TCF4: variants seen among roughly 807,000 people sequenced by gnomAD.
TCF4 encodes the protein SL3-3 enhancer factor 2.
TCF4 carries 3 observed loss-of-function variants against 82.1 expected under a neutral mutation model. The observed-to-expected ratio is 0.04, with a 90% confidence interval of 0.02 to 0.09. TCF4 has a LOEUF of 0.09. TCF4 is among the 10% of genes least tolerant of loss of function. The pLI, the probability that TCF4 is intolerant of heterozygous loss-of-function variation, is 1.00. For missense variants in TCF4, 518 were observed against 852.7 expected, an observed-to-expected ratio of 0.61 and a Z score of 4.89; for synonymous variants, 276 against 309.6, an observed-to-expected ratio of 0.89 and a Z score of 1.14.
chr18:55,584,876 T>C (rs192026057), intron 3 of TCF4, among the ~76,000 whole-genome samples: 17 of 152,310 alleles, frequency 1.1e-4, no homozygotes, highest in Admixed American at 2.6e-4. Context: ...GTTAATTGTA[T>C]ACAGTACCTA....
intron 15 of TCF4, among the ~76,000 whole-genome samples, chr18:55,239,371 G>C (rs139564051): frequency 2.0e-5 from 3 of 152,082 alleles, no homozygotes; most frequent in Non-Finnish European, 4.4e-5. Flanking sequence ...TCCAACTTTC[G>C]ATGCTTAGTT....
Position 55,245,516 on chromosome 18 carries a change from C to T in TCF4, c.1350+8981G>A, listed in dbSNP as rs934707555. ...CCTGTGGACTCTCATGTGAAATATT[C>T]GAGCCAACTGCTGGAGCTGCCGTGC... On this transcript the variant is annotated intron_variant, in intron 15 of 19. Coordinates refer to ENST00000354452, the MANE Select transcript of TCF4 (RefSeq NM_001083962.2). 2.6e-5 allele frequency among the ~76,000 whole-genome samples: 4 copies of T among 152,290 alleles called. 1 individual carries two copies. The South Asian group carries it at 8.3e-4, about 32-fold the overall frequency.
chr18:55,544,822 C>A (rs552592115), intron 3 of TCF4, among the ~76,000 whole-genome samples: 1 of 151,986 alleles, frequency 6.6e-6, no homozygotes, highest in African/African-American at 2.4e-5. Flanking sequence ...AAAAGACTGG[C>A]GTCATCAAGC....
intron 15 of TCF4, 81 bp downstream of exon 15, chr18:55,254,416 A>AT: frequency 7.2e-7 from 1 of 1,386,736 alleles, no homozygotes; most frequent in Non-Finnish European, 1.0e-6. Context: ...CTGATTTTTT[A>AT]AAAAACAGCA....
chr18:55,622,160 C>A (rs931353619), intron 2 of TCF4, among the ~76,000 whole-genome samples: 1 of 130,678 alleles, frequency 7.7e-6, no homozygotes. Flanking sequence ...TACACACACA[C>A]ACACACACAC....
intron 3 of TCF4, among the ~76,000 whole-genome samples, chr18:55,584,795 G>C (rs999372088): frequency 6.6e-6 from 1 of 152,108 alleles, no homozygotes; most frequent in Admixed American, 6.5e-5. Context: ...AGATTAGCAA[G>C]AGGCTATTTA....
intron 3 of TCF4, among the ~76,000 whole-genome samples, chr18:55,516,916 G>GAAT: frequency 6.6e-6 from 1 of 152,218 alleles, no homozygotes; most frequent in Non-Finnish European, 1.5e-5. Flanking sequence ...AGAAGAGGAG[G>GAAT]AATAACATCT....
chr18:55,286,166 T>C (rs2063626715), intron 8 of TCF4, among the ~76,000 whole-genome samples: 1 of 152,230 alleles, frequency 6.6e-6, no homozygotes, highest in African/African-American at 2.4e-5. Context: ...TCACTTTTTA[T>C]GGACAATAAA....
At chr18:55,333,881 G>T (rs1230808326) in intron 8 of TCF4, among the ~76,000 whole-genome samples, 1 of 152,160 alleles carries the variant, frequency 6.6e-6, no homozygotes, top group Non-Finnish European at 1.5e-5. Context: ...AATGGTCCCA[G>T]AACAACCAGC....
intron 5 of TCF4, among the ~76,000 whole-genome samples, chr18:55,413,129 G>C (rs1462724661): frequency 1.3e-5 from 2 of 152,066 alleles, no homozygotes; most frequent in Non-Finnish European, 1.5e-5. Context: ...AAAAGAATGG[G>C]GGGGGACATG....
At chr18:55,471,018 C>T (rs561880601) in intron 3 of TCF4, among the ~76,000 whole-genome samples, 1 of 152,142 alleles carries the variant, frequency 6.6e-6, no homozygotes, top group Admixed American at 6.5e-5. Flanking sequence ...CAGGAAGAAC[C>T]CTTGGCTGAG....
intron 8 of TCF4, among the ~76,000 whole-genome samples, chr18:55,287,190 A>G (rs1262463): frequency 0.11 from 16,305 of 152,204 alleles, 1,562 homozygotes; most frequent in African/African-American, 0.26. Context: ...CGTCTACCAG[A>G]ATGCACCACA....
chr18:55,360,531 A>G (rs528018034), intron 6 of TCF4, among the ~76,000 whole-genome samples: 1 of 152,324 alleles, frequency 6.6e-6, no homozygotes, highest in South Asian at 2.1e-4. Context: ...TTTTTCTTGA[A>G]GGACCAGATA....
At chr18:55,570,209 G>A (rs1287829322) in intron 3 of TCF4, among the ~76,000 whole-genome samples, 2 of 152,140 alleles carry the variant, frequency 1.3e-5, no homozygotes, top group Non-Finnish European at 2.9e-5. Flanking sequence ...AATCCCAACT[G>A]CATGGAAAAC....
Position 55,588,123 on chromosome 18 carries a change from T to TGCTCCTGCGCCC in TCF4, c.-118_-107dup, listed in dbSNP as rs2097670838. The TGCTCCTGCGCCC allele has an allele frequency of 2.9e-6, 3 of 1,046,608 alleles. No individual in the cohort carries two copies. Among genetic ancestry groups the TGCTCCTGCGCCC allele is most frequent in the Non-Finnish European group, 3.4e-6 (3 of 875,348 alleles). The allele number at this position is 1,046,608 out of a possible 1,614,324, so 64.8% of individuals were successfully genotyped here. ...AACCGCCGCCGCCACCGCCGCCGCC[T>TGCTCCTGCGCCC]GCTCCTGCGCCCGCTCCCGCGCCTG... On this transcript the variant is annotated 5_prime_UTR_variant, in exon 1 of 20. Coordinates refer to ENST00000354452, the MANE Select transcript of TCF4 (RefSeq NM_001083962.2).
chr18:55,598,198 C>A (rs1205924537), intron 2 of TCF4, among the ~76,000 whole-genome samples: 1 of 152,118 alleles, frequency 6.6e-6, no homozygotes, highest in Non-Finnish European at 1.5e-5. Flanking sequence ...AGAGTTGAAT[C>A]TGGAAAGAAA....
chr18:55,567,741 C>G (rs1055726693), intron 3 of TCF4, among the ~76,000 whole-genome samples: 15 of 152,066 alleles, frequency 9.9e-5, no homozygotes, highest in African/African-American at 3.4e-4. Flanking sequence ...AATCAACAAG[C>G]TTTAATTTCT....
In TCF4 at chr18:55,431,050, T is replaced by A. The variant is rs114675159; in HGVS notation, c.305-27532A>T. The stretch of plus-strand genomic sequence containing the variant: ...GAAAATAGAGTTATGAAAAGAAAGG[T>A]CCCAGGAGACACAAGTTAGAAGAAG... On this transcript the variant is annotated intron_variant, in intron 5 of 19. Transcript: ENST00000354452. 7.4e-3 allele frequency among the ~76,000 whole-genome samples: 1,121 copies of A among 151,736 alleles called. 17 individuals are homozygous for A. The highest frequency in any genetic ancestry group is 0.026 in the African/African-American group (1,056 of 41,334).
intron 6 of TCF4, among the ~76,000 whole-genome samples, chr18:55,360,731 C>CTTTTT (rs35704472): frequency 6.7e-5 from 5 of 74,260 alleles, no homozygotes; most frequent in Non-Finnish European, 1.2e-4. Context: ...GCCCCCCACC[C>CTTTTT]TTTTTTTTTT....
Sources: gnomAD v4.1 joint callset for allele counts (sites outside exome capture counted in the v4.1 genomes callset) on GRCh38, gnomAD v4.1.1 for gene constraint, MANE v1.5 for transcripts, NCBI Gene and HGNC (gene_info 2026-07-23, HGNC 2026-07-21) for gene names.